Variants in STRN3 observed in about 807,000 individuals in gnomAD.
STRN3 encodes the protein striatin 3.
A neutral mutation model predicts 95.6 loss-of-function variants in STRN3; 29 were observed. The observed-to-expected ratio is 0.30, with a 90% CI of 0.23 to 0.41. The LOEUF (loss-of-function observed/expected upper bound fraction) is 0.41. STRN3 is among the 10% of genes least tolerant of loss of function. The pLI is 1.00. For missense variants in STRN3, 890 were observed against 972.1 expected, an observed-to-expected ratio of 0.92 and a Z score of 1.12; for synonymous variants, 331 against 357.6, an observed-to-expected ratio of 0.93 and a Z score of 0.84.
chr14:30,949,842 G>A (rs1363534246), intron 4 of STRN3, among the ~76,000 whole-genome samples: 3 of 152,178 alleles, frequency 2.0e-5, no homozygotes, highest in Non-Finnish European at 4.4e-5. Flanking sequence ...GACAATGGAA[G>A]CAGGGGGTGG....
At chr14:31,001,159 G>A (rs764591175) in intron 1 of STRN3, among the ~76,000 whole-genome samples, 3 of 152,094 alleles carry the variant, frequency 2.0e-5, no homozygotes, top group Non-Finnish European at 1.5e-5. Flanking sequence ...TAAATGAGCA[G>A]GTGATATCAT....
chr14:30,914,869 G>C (rs1896697537), intron 9 of STRN3, among the ~76,000 whole-genome samples: 1 of 152,136 alleles, frequency 6.6e-6, no homozygotes, highest in Admixed American at 6.5e-5. Context: ...AATATTAACA[G>C]TTCCAATTAT....
chr14:31,004,677 G>A (rs1882634347), intron 1 of STRN3, among the ~76,000 whole-genome samples: 1 of 152,140 alleles, frequency 6.6e-6, no homozygotes, highest in South Asian at 2.1e-4. Context: ...GGAGGCTGAG[G>A]CAGGAGAATT....
At chr14:30,935,366 A>G in intron 6 of STRN3, 62 bp from the exon 7 acceptor site, 1 of 1,545,408 alleles carries the variant, frequency 6.5e-7, no homozygotes, top group Non-Finnish European at 8.8e-7. Flanking sequence ...ATGCTTTAAT[A>G]TTGTCACATA....
chr14:30,968,370 A>G (rs67209135), intron 1 of STRN3, among the ~76,000 whole-genome samples: 58,626 of 139,186 alleles, frequency 0.42, 12,464 homozygotes, highest in Non-Finnish European at 0.48. Context: ...GTCCTAAAAT[A>G]AGATTAACTG....
chr14:30,985,274 C>T (rs1202040065), intron 1 of STRN3, among the ~76,000 whole-genome samples: 1 of 140,532 alleles, frequency 7.1e-6, no homozygotes. Flanking sequence ...CACCATTGCA[C>T]TCCAGCCTGG....
chr14:30,969,790 T>TA (rs1440608003), intron 1 of STRN3, among the ~76,000 whole-genome samples: 1 of 152,120 alleles, frequency 6.6e-6, no homozygotes, highest in African/African-American at 2.4e-5. Flanking sequence ...CCCTCAAAAC[T>TA]AAAAGTCTTT....
At chr14:30,971,786 T>A (rs1451415367) in intron 1 of STRN3, among the ~76,000 whole-genome samples, 1 of 152,050 alleles carries the variant, frequency 6.6e-6, no homozygotes, top group Admixed American at 6.6e-5. Context: ...AGTAGTTCGG[T>A]AAATGGAAAG....
chr14:31,002,379 G>A (rs179702), intron 1 of STRN3, among the ~76,000 whole-genome samples: 59,252 of 150,232 alleles, frequency 0.39, 12,427 homozygotes, highest in Non-Finnish European at 0.47. Context: ...GGCTAAGGCA[G>A]GAGAATTGCT....
intron 3 of STRN3, 41 bp from the exon 4 acceptor site, chr14:30,950,985 G>T: frequency 6.5e-7 from 1 of 1,542,104 alleles, no homozygotes; most frequent in South Asian, 1.2e-5. Flanking sequence ...ACTTTATTTC[G>T]ACTCCTGAAA....
At chr14:30,966,088 A>G (rs1413596186) in intron 1 of STRN3, among the ~76,000 whole-genome samples, 1 of 150,376 alleles carries the variant, frequency 6.6e-6, no homozygotes, top group Non-Finnish European at 1.5e-5. Context: ...ACCCCCGCCA[A>G]AGCACTCACC....
At chr14:31,008,084 G>A (rs964968946) in intron 1 of STRN3, among the ~76,000 whole-genome samples, 5 of 152,138 alleles carry the variant, frequency 3.3e-5, no homozygotes, top group Admixed American at 2.0e-4. Context: ...CCAGCTACTC[G>A]GGAGGCTGAG....
At chr14:30,929,176 T>A (rs1878352227) in intron 8 of STRN3, 25 bp downstream of exon 8, 1 of 1,554,968 alleles carries the variant, frequency 6.4e-7, no homozygotes, top group Admixed American at 2.0e-5. Flanking sequence ...ATACAAAAAT[T>A]ATAATAGTCA....
At chr14:30,946,375 T>C (rs150069915) in intron 5 of STRN3, among the ~76,000 whole-genome samples, 19 of 151,898 alleles carry the variant, frequency 1.3e-4, no homozygotes, top group African/African-American at 4.3e-4. Context: ...AGAACCCATC[T>C]CCACAAAAAA....
intron 1 of STRN3, among the ~76,000 whole-genome samples, chr14:30,978,298 T>G (rs1008346511): frequency 6.6e-6 from 1 of 152,122 alleles, no homozygotes; most frequent in Non-Finnish European, 1.5e-5. Flanking sequence ...TAGGATTTAT[T>G]CCAGGCATAC....
At chr14:30,960,026 A>T (rs1192139495) in intron 1 of STRN3, among the ~76,000 whole-genome samples, 1 of 152,190 alleles carries the variant, frequency 6.6e-6, no homozygotes, top group Non-Finnish European at 1.5e-5. Flanking sequence ...ACCAAAAAAA[A>T]ATTCAAATTA....
intron 1 of STRN3, among the ~76,000 whole-genome samples, chr14:31,001,871 A>G (rs1038756115): frequency 6.6e-6 from 1 of 151,998 alleles, no homozygotes; most frequent in Non-Finnish European, 1.5e-5. Flanking sequence ...CTCTGCTAAA[A>G]ACACAAAAAT....
chr14:30,909,463 G>A (rs949061351), intron 13 of STRN3, among the ~76,000 whole-genome samples: 1 of 151,890 alleles, frequency 6.6e-6, no homozygotes, highest in Non-Finnish European at 1.5e-5. Flanking sequence ...GACAGAGCAA[G>A]ACTGTTTCCA....
intron 3 of STRN3, among the ~76,000 whole-genome samples, chr14:30,953,199 T>A (rs1334099147): frequency 6.6e-6 from 1 of 152,240 alleles, no homozygotes; most frequent in African/African-American, 2.4e-5. Flanking sequence ...GTACATCAAG[T>A]GTATAGCTCA....
Sources: allele counts gnomAD v4.1 joint callset (sites outside exome capture counted in the v4.1 genomes callset), GRCh38; gene constraint gnomAD v4.1.1; transcripts MANE v1.5; gene names NCBI Gene and HGNC (gene_info 2026-07-23, HGNC 2026-07-21).